ZCWPW2: variants seen among roughly 807,000 people sequenced by gnomAD.
ZCWPW2 encodes zinc finger CW-type PWWP domain protein 2.
In ZCWPW2, 45 loss-of-function variants were observed where a neutral mutation model predicts 46.6. The ratio of observed to expected loss-of-function variants is 0.96; its 90% CI spans 0.76 to 1.24. The LOEUF is 1.24. ZCWPW2 is among the 50% of genes most tolerant of loss of function. The pLI is 0.00. For synonymous variants in ZCWPW2, 152 were observed against 137.1 expected, an observed-to-expected ratio of 1.11 and a Z score of -0.76; for missense variants, 429 against 403.9, an observed-to-expected ratio of 1.06 and a Z score of -0.53.
chr3:28,364,674 A>G (rs1227026532), intron 1 of ZCWPW2, among the ~76,000 whole-genome samples: 2 of 151,792 alleles, frequency 1.3e-5, no homozygotes, highest in Non-Finnish European at 2.9e-5. Flanking sequence ...TTTAAGTTTT[A>G]GGGTACATGT....
chr3:28,459,395 A>T (rs1378285153), intron 4 of ZCWPW2, among the ~76,000 whole-genome samples: 1 of 151,692 alleles, frequency 6.6e-6, no homozygotes, highest in Non-Finnish European at 1.5e-5. Flanking sequence ...ACAAAAAACA[A>T]AAAACGTATT....
chr3:28,462,682 A>T (rs973759471), intron 4 of ZCWPW2, among the ~76,000 whole-genome samples: 2 of 152,196 alleles, frequency 1.3e-5, no homozygotes, highest in Non-Finnish European at 2.9e-5. Context: ...CATCTTGATT[A>T]TTTCTCTTGT....
In ZCWPW2 at chr3:28,375,540, G is replaced by T. The variant is rs1243656229; in HGVS notation, c.-133-14958G>T. ...GGGTACATAGGTATATATATTTATGGGTTAACTGAGATGTTCTGATACAGG... is the reference window on the plus strand; with the variant it reads ...GGGTACATAGGTATATATATTTATGTGTTAACTGAGATGTTCTGATACAGG... On this transcript the variant is annotated intron_variant, in intron 1 of 9. Transcript: ENST00000383768. 3.3e-5 allele frequency among the ~76,000 whole-genome samples: 5 copies of T among 151,836 alleles called. No individual in the cohort carries two copies. In the East Asian group the frequency reaches 9.7e-4, roughly 29 times the overall value.
At chr3:28,504,075 T>C (rs1027444068) in intron 6 of ZCWPW2, among the ~76,000 whole-genome samples, 1 of 152,018 alleles carries the variant, frequency 6.6e-6, no homozygotes, top group African/African-American at 2.4e-5. Flanking sequence ...CGTGCATCTG[T>C]GGTCCCAGCT....
chr3:28,373,941 T>G (rs543719371), intron 1 of ZCWPW2, among the ~76,000 whole-genome samples: 1 of 152,356 alleles, frequency 6.6e-6, no homozygotes, highest in East Asian at 1.9e-4. Flanking sequence ...TCTCTCATTC[T>G]GTAGGTTGTC....
intron 3 of ZCWPW2, among the ~76,000 whole-genome samples, chr3:28,432,119 A>G (rs1470598100): frequency 1.3e-5 from 2 of 152,216 alleles, no homozygotes; most frequent in Non-Finnish European, 2.9e-5. Context: ...TATGGGAATT[A>G]CAATTCAAGA....
intron 1 of ZCWPW2, among the ~76,000 whole-genome samples, chr3:28,360,629 T>C (rs952316613): frequency 5.3e-5 from 8 of 151,490 alleles, no homozygotes; most frequent in Admixed American, 3.3e-4. Context: ...TAGATTTTAA[T>C]ATACATCCCT....
chr3:28,356,077 G>A (rs1400421008), intron 1 of ZCWPW2, among the ~76,000 whole-genome samples: 3 of 152,092 alleles, frequency 2.0e-5, no homozygotes, highest in Non-Finnish European at 4.4e-5. Context: ...CTACAGAATG[G>A]GAGAAAATTT....
In ZCWPW2 at chr3:28,524,596, GTAATTGATGGGATAAAATTAA is replaced by G; in HGVS notation, c.980_1000del (p.Val327_Lys334delinsGlu). On this transcript the variant is annotated inframe_deletion, in exon 10 of 10. Coordinates refer to ENST00000383768, the MANE Select transcript of ZCWPW2 (RefSeq NM_001040432.4). ...AAACCACTATGAAGAGGACTATCTT[GTAATTGATGGGATAAAATTAA>G]AAGCTGGAGAATGTATTGAGGATAT... is the stretch of plus-strand genomic sequence containing the variant. 1 of 1,609,574 alleles carries G rather than the reference GTAATTGATGGGATAAAATTAA, an allele frequency of 6.2e-7. No homozygotes were observed. Among genetic ancestry groups the G allele is most frequent in the Non-Finnish European group, 8.5e-7 (1 of 1,177,846 alleles).
intron 1 of ZCWPW2, among the ~76,000 whole-genome samples, chr3:28,361,868 G>T (rs1186859961): frequency 6.6e-6 from 1 of 152,040 alleles, no homozygotes; most frequent in Non-Finnish European, 1.5e-5. Flanking sequence ...TTTAAAGGCA[G>T]AAAGTAAGTG....
chr3:28,362,182 C>T (rs1399426360), intron 1 of ZCWPW2, among the ~76,000 whole-genome samples: 1 of 151,984 alleles, frequency 6.6e-6, no homozygotes, highest in Non-Finnish European at 1.5e-5. Context: ...ATGGAATATC[C>T]TTCAGCCTTA....
At chr3:28,517,991 C>T (rs1700618464) in intron 8 of ZCWPW2, among the ~76,000 whole-genome samples, 1 of 151,914 alleles carries the variant, frequency 6.6e-6, no homozygotes, top group Admixed American at 6.6e-5. Context: ...CAAAAATTAG[C>T]TGGGTGTGGT....
intron 4 of ZCWPW2, among the ~76,000 whole-genome samples, chr3:28,456,966 C>T (rs1575157469): frequency 6.6e-6 from 1 of 152,142 alleles, no homozygotes; most frequent in East Asian, 1.9e-4. Context: ...GTTTTGGTAT[C>T]AGGATGATAC....
In ZCWPW2 at chr3:28,369,372, T is replaced by A. The variant is rs1384734347; in HGVS notation, c.-134+20169T>A. On this transcript the variant is annotated intron_variant, in intron 1 of 9. Transcript: ENST00000383768. ...TTTCTGTTTGTTAGTTTTCCTTCTA[T>A]CAGTCAGGACCCTCAGCTGCAGGTC... Among the ~76,000 whole-genome samples, 7 of 152,328 alleles carry A rather than the reference T, an allele frequency of 4.6e-5. No homozygotes were observed. The South Asian group carries it at 1.2e-3, about 27-fold the overall frequency.
intron 4 of ZCWPW2, among the ~76,000 whole-genome samples, chr3:28,437,503 C>T (rs556548480): frequency 1.4e-4 from 22 of 151,952 alleles, no homozygotes; most frequent in African/African-American, 5.1e-4. Context: ...TATTTTGGCT[C>T]AATCATGTTT....
At chr3:28,428,870 T>A (rs1697129592) in intron 3 of ZCWPW2, among the ~76,000 whole-genome samples, 1 of 152,172 alleles carries the variant, frequency 6.6e-6, no homozygotes, top group Admixed American at 6.5e-5. Flanking sequence ...CCTTTTGTCA[T>A]GATTTTAAGT....
chr3:28,524,407 C>T (rs1467471091), intron 9 of ZCWPW2, 120 bp from the exon 10 acceptor site: 6 of 979,656 alleles, frequency 6.1e-6, no homozygotes, highest in Non-Finnish European at 9.3e-6. Flanking sequence ...ATTATTTGAA[C>T]ACTAGAATAA....
chr3:28,439,140 G>GAT (rs1559505052), intron 4 of ZCWPW2, among the ~76,000 whole-genome samples: 3 of 132,122 alleles, frequency 2.3e-5, no homozygotes, highest in Admixed American at 7.5e-5. Context: ...CACATCATAG[G>GAT]ATGTGTATAT....
intron 6 of ZCWPW2, among the ~76,000 whole-genome samples, chr3:28,507,190 G>T (rs1337510118): frequency 1.3e-5 from 2 of 152,066 alleles, no homozygotes; most frequent in African/African-American, 4.8e-5. Context: ...GAGCATTTTG[G>T]TAAATACTGA....
Sources: gnomAD v4.1 joint callset for allele counts (sites outside exome capture counted in the v4.1 genomes callset) on GRCh38, gnomAD v4.1.1 for gene constraint, MANE v1.5 for transcripts, NCBI Gene and HGNC (gene_info 2026-07-23, HGNC 2026-07-21) for gene names.